Variants in RPS6KA6 observed in about 807,000 individuals in gnomAD.
RPS6KA6 encodes ribosomal protein S6 kinase A6, also known as ribosomal protein S6 kinase alpha-6.
RPS6KA6 carries 27 observed loss-of-function variants against 65.4 expected under a neutral mutation model. The ratio of observed to expected loss-of-function variants is 0.41; its 90% CI spans 0.30 to 0.57. The LOEUF (loss-of-function observed/expected upper bound fraction) is 0.57, where lower values mean the gene tolerates loss of function less well. Among genes scored for constraint, RPS6KA6 ranks in the 20% least tolerant of loss-of-function variants. The pLI, the probability that RPS6KA6 is intolerant of heterozygous loss-of-function variation, is 0.24. For synonymous variants in RPS6KA6, 190 were observed against 184.2 expected (o/e 1.03, Z -0.26); for missense variants, 486 against 555.6 (o/e 0.87, Z 1.26).
At chrX:84,068,709 C>T (rs1221953965) in intron 20 of RPS6KA6, among the ~76,000 whole-genome samples, 1 of 112,201 alleles carries the variant, frequency 8.9e-6, no homozygotes, top group Non-Finnish European at 1.9e-5. Flanking sequence ...TGCTGATAAG[C>T]AACTTCAGCA....
chrX:84,085,594 G>A (rs964716902), intron 20 of RPS6KA6, among the ~76,000 whole-genome samples: 13 of 111,960 alleles, frequency 1.2e-4, no homozygotes, highest in African/African-American at 4.2e-4. Flanking sequence ...TTTTTACTGA[G>A]GATTTTTGTG....
intron 1 of RPS6KA6, among the ~76,000 whole-genome samples, chrX:84,185,779 A>G (rs1396674191): frequency 8.9e-6 from 1 of 111,981 alleles, no homozygotes; most frequent in East Asian, 2.8e-4. Flanking sequence ...AATTATCACA[A>G]TTGAGGGTTG....
intron 3 of RPS6KA6, among the ~76,000 whole-genome samples, chrX:84,149,611 G>A (rs900390246): frequency 1.8e-5 from 2 of 111,685 alleles, no homozygotes; most frequent in African/African-American, 6.5e-5. Context: ...CCAATGAGCA[G>A]TAATATTTTG....
intron 1 of RPS6KA6, among the ~76,000 whole-genome samples, chrX:84,173,450 G>A (rs1182168744): frequency 9.0e-6 from 1 of 111,649 alleles, no homozygotes; most frequent in African/African-American, 3.3e-5. Context: ...CTGGCACAGT[G>A]TCTGACATGT....
intron 18 of RPS6KA6, among the ~76,000 whole-genome samples, chrX:84,101,633 T>C (rs2034261087): frequency 9.0e-6 from 1 of 110,793 alleles, no homozygotes; most frequent in Non-Finnish European, 1.9e-5. Flanking sequence ...CAATTTAACA[T>C]ACCTGATGAA....
chrX:84,172,995 AAGG>A (rs781190916), intron 1 of RPS6KA6, among the ~76,000 whole-genome samples: 145 of 110,895 alleles, frequency 1.3e-3, no homozygotes, highest in Non-Finnish European at 2.3e-3. Context: ...TGTAACGTGT[AAGG>A]AGTTCTAGTT....
At chrX:84,083,425 A>T (rs1172564460) in intron 20 of RPS6KA6, among the ~76,000 whole-genome samples, 3 of 111,986 alleles carry the variant, frequency 2.7e-5, no homozygotes, top group Non-Finnish European at 5.6e-5. Context: ...TTGTTCTCCG[A>T]CATGTGTCCA....
chrX:84,122,505 C>T (rs1211776337), intron 8 of RPS6KA6, among the ~76,000 whole-genome samples: 1 of 105,410 alleles, frequency 9.5e-6, no homozygotes, highest in African/African-American at 3.5e-5. Context: ...TAATTTTTTT[C>T]GTGCTTTTAG....
chrX:84,156,596 A>G (rs749419906), intron 2 of RPS6KA6, among the ~76,000 whole-genome samples: 17 of 111,655 alleles, frequency 1.5e-4, no homozygotes, highest in Non-Finnish European at 3.0e-4. Flanking sequence ...GCTTTTTTAA[A>G]TAGTATTTCA....
At chrX:84,134,908 G>T in intron 7 of RPS6KA6, 89 bp from the exon 8 acceptor site, 1 of 670,226 alleles carries the variant, frequency 1.5e-6, no homozygotes, top group African/African-American at 2.2e-5. Context: ...AGATAGGTCA[G>T]TATCTATTTA....
Position 84,062,098 on chromosome X carries a change from T to C in RPS6KA6, c.*2179A>G, listed in dbSNP as rs1043702952. ...ACCTGTATCTTTTATACACTGTCAG[T>C]CCTCACTGGGTGATCAGAAATCATG... On this transcript the variant is annotated 3_prime_UTR_variant, in exon 22 of 22. Coordinates refer to ENST00000262752, the MANE Select transcript of RPS6KA6 (RefSeq NM_014496.5). 1.8e-5 allele frequency: 2 copies of C among 111,684 alleles called. No individual in the cohort carries two copies. The highest frequency in any genetic ancestry group is 1.9e-4 in the Admixed American group (2 of 10,527). The allele number at this position is 111,684 out of a possible 1,213,427, so 9.2% of individuals were successfully genotyped here. A position where few individuals can be genotyped will look rare whatever the true frequency, so the allele number is the denominator to read the frequency against.
chrX:84,067,160 A>C (rs763915651), intron 20 of RPS6KA6, among the ~76,000 whole-genome samples: 1 of 112,260 alleles, frequency 8.9e-6, no homozygotes, highest in Non-Finnish European at 1.9e-5. Context: ...AAATCCACAA[A>C]AATGAGGAAA....
intron 8 of RPS6KA6, among the ~76,000 whole-genome samples, chrX:84,126,091 G>C (rs2034778747): frequency 9.0e-6 from 1 of 111,217 alleles, no homozygotes; most frequent in Non-Finnish European, 1.9e-5. Context: ...ACAATGATCT[G>C]TTGCCTACAG....
At chrX:84,090,523 G>A (rs1293562596) in intron 20 of RPS6KA6, among the ~76,000 whole-genome samples, 3 of 112,035 alleles carry the variant, frequency 2.7e-5, no homozygotes, top group Non-Finnish European at 5.6e-5. Flanking sequence ...GTATAAAGAG[G>A]TTTAATTGAC....
At position 84,098,174 on chromosome X, in the gene RPS6KA6, G is replaced by A. The variant is rs995020229; in HGVS notation, c.1777-326C>T. Among the ~76,000 whole-genome samples the A allele has an allele frequency of 5.4e-5, 6 of 111,287 alleles. No homozygotes were observed. The Admixed American group carries it at 5.8e-4, about 11-fold the overall frequency. On this transcript the variant is annotated intron_variant, in intron 18 of 21. Transcript: ENST00000262752. ...CAATTTTGAAGATGAGGAAACTGAAGTGAATGTTAAGTAACTTACCCAACA... is the reference window on the plus strand; with the variant it reads ...CAATTTTGAAGATGAGGAAACTGAAATGAATGTTAAGTAACTTACCCAACA...
chrX:84,085,537 T>A (rs891874161), intron 20 of RPS6KA6, among the ~76,000 whole-genome samples: 3 of 111,860 alleles, frequency 2.7e-5, no homozygotes, highest in Admixed American at 9.5e-5. Flanking sequence ...ACCAACTTGA[T>A]TGTGGTGGAT....
At chrX:84,171,887 G>C (rs1306227179) in intron 1 of RPS6KA6, among the ~76,000 whole-genome samples, 1 of 110,602 alleles carries the variant, frequency 9.0e-6, no homozygotes, top group Non-Finnish European at 1.9e-5. Flanking sequence ...CTGTGTCCAT[G>C]TGTTCTCATT....
At chrX:84,154,523 A>G (rs2147578547) in intron 3 of RPS6KA6, among the ~76,000 whole-genome samples, 1 of 111,673 alleles carries the variant, frequency 9.0e-6, no homozygotes, top group African/African-American at 3.3e-5. Flanking sequence ...TTCTAAAATT[A>G]ACACCATAAA....
intron 20 of RPS6KA6, among the ~76,000 whole-genome samples, chrX:84,093,264 A>C (rs2034084521): frequency 8.9e-6 from 1 of 112,075 alleles, no homozygotes; most frequent in Admixed American, 9.5e-5. Flanking sequence ...GGCAATAAAT[A>C]ATCTATGTCT....
Sources: allele counts gnomAD v4.1 joint callset (sites outside exome capture counted in the v4.1 genomes callset), GRCh38; gene constraint gnomAD v4.1.1; transcripts MANE v1.5; gene names NCBI Gene and HGNC (gene_info 2026-07-23, HGNC 2026-07-21).